The following ARHGAP26 variants were observed in gnomAD, a reference collection of about 807,000 sequenced individuals.
ARHGAP26 encodes the protein Rho GTPase activating protein 26, also known as rho GTPase-activating protein 26.
In ARHGAP26, 38 loss-of-function variants were observed where a neutral mutation model predicts 104.8. The observed-to-expected ratio is 0.36, with a 90% CI of 0.28 to 0.48. The LOEUF (loss-of-function observed/expected upper bound fraction) is 0.48, where lower values mean the gene tolerates loss of function less well. ARHGAP26 is among the 20% of genes least tolerant of loss of function. The pLI, the probability that ARHGAP26 is intolerant of heterozygous loss-of-function variation, is 0.99. For missense variants in ARHGAP26, 704 were observed against 947.9 expected, an observed-to-expected ratio of 0.74 and a Z score of 3.38; for synonymous variants, 341 against 340.0, an observed-to-expected ratio of 1.00 and a Z score of -0.03.
chr5:143,043,997 G>C (rs1783854484), intron 14 of ARHGAP26, among the ~76,000 whole-genome samples: 1 of 152,184 alleles, frequency 6.6e-6, no homozygotes. Context: ...ACTTGAGGCT[G>C]GGACAGGAGA....
intron 1 of ARHGAP26, among the ~76,000 whole-genome samples, chr5:142,800,135 T>C (rs1267794430): frequency 4.6e-5 from 7 of 152,178 alleles, no homozygotes; most frequent in Admixed American, 4.6e-4. Flanking sequence ...GCGTAATAAG[T>C]AACTATAAAA....
intron 11 of ARHGAP26, among the ~76,000 whole-genome samples, chr5:142,997,747 T>C (rs979699702): frequency 1.3e-5 from 2 of 151,354 alleles, no homozygotes; most frequent in African/African-American, 2.4e-5. Context: ...CTCCATTTAG[T>C]GCTACTTTTT....
chr5:143,195,140 T>C (rs1806620647), intron 20 of ARHGAP26, among the ~76,000 whole-genome samples: 1 of 152,206 alleles, frequency 6.6e-6, no homozygotes, highest in Non-Finnish European at 1.5e-5. Context: ...CATCTCTCTT[T>C]CTCTCTCTGT....
At chr5:142,991,951 G>A (rs1775683578) in intron 11 of ARHGAP26, among the ~76,000 whole-genome samples, 1 of 152,134 alleles carries the variant, frequency 6.6e-6, no homozygotes, top group Admixed American at 6.5e-5. Flanking sequence ...TTGCATATGG[G>A]AATATCCATT....
At chr5:143,113,961 C>G (rs73796803) in intron 17 of ARHGAP26, among the ~76,000 whole-genome samples, 14,165 of 152,164 alleles carry the variant, frequency 0.093, 1,020 homozygotes, top group East Asian at 0.2. Flanking sequence ...CTTCATTCCC[C>G]TCCTGACTTT....
rs551053333 is a variant in ARHGAP26, at chr5:142,848,605, G to A, written c.155-24795G>A. On this transcript the variant is annotated intron_variant, in intron 1 of 22. Transcript: ENST00000645722. ...TGAACATCATAGTTGTGTAGGTGGCGTGGAAGCTGCCGAGGTGAGCACAGT... is the reference window on the plus strand; with the variant it reads ...TGAACATCATAGTTGTGTAGGTGGCATGGAAGCTGCCGAGGTGAGCACAGT... Among the ~76,000 whole-genome samples, 364 of 152,314 alleles carry A rather than the reference G, an allele frequency of 2.4e-3. 2 individuals carry two copies. Among genetic ancestry groups the A allele is most frequent in the African/African-American group, 8.1e-3 (336 of 41,568 alleles).
At chr5:143,003,749 C>T (rs1294364359) in intron 11 of ARHGAP26, among the ~76,000 whole-genome samples, 1 of 152,114 alleles carries the variant, frequency 6.6e-6, no homozygotes, top group Non-Finnish European at 1.5e-5. Context: ...CCTGTGATAA[C>T]TATTTTAAAT....
At chr5:142,903,369 T>C (rs1194305077) in intron 7 of ARHGAP26, among the ~76,000 whole-genome samples, 171 bp from the exon 8 acceptor site, 1 of 152,186 alleles carries the variant, frequency 6.6e-6, no homozygotes, top group Non-Finnish European at 1.5e-5. Flanking sequence ...GTCATTCTGG[T>C]ATAGGACTTT....
At chr5:143,045,081 A>C (rs994125935) in intron 14 of ARHGAP26, among the ~76,000 whole-genome samples, 4 of 152,252 alleles carry the variant, frequency 2.6e-5, no homozygotes, top group Non-Finnish European at 4.4e-5. Flanking sequence ...TGTGTTAAGC[A>C]AAAGAGTGGT....
At chr5:143,207,174 T>G (rs760233376) in intron 20 of ARHGAP26, 24 bp from the exon 21 acceptor site, 4 of 1,607,198 alleles carry the variant, frequency 2.5e-6, no homozygotes, top group Admixed American at 1.7e-5. Context: ...TGCTGACAAG[T>G]TTTCTGGTTG....
intron 17 of ARHGAP26, among the ~76,000 whole-genome samples, chr5:143,079,551 C>T (rs190987748): frequency 1.3e-5 from 2 of 152,282 alleles, no homozygotes; most frequent in East Asian, 1.9e-4. Context: ...GTGCCAGACA[C>T]GGGACAACCA....
At position 143,227,737 on chromosome 5, in the gene ARHGAP26, A is replaced by G. The variant is rs1181041154; in HGVS notation, c.*5291A>G. ...GTCTTCCAGTGGAAGCACCTGTATT[A>G]TTGAGAGGAAAAAGTGTTGGATGCA... On this transcript the variant is annotated 3_prime_UTR_variant, in exon 23 of 23. Transcript: ENST00000645722. 4.4e-6 allele frequency: 1 copy of G among 226,564 alleles called. No individual in the cohort carries two copies. Among genetic ancestry groups the G allele is most frequent in the Non-Finnish European group, 8.8e-6 (1 of 113,996 alleles). The allele number at this position is 226,564 out of a possible 1,614,324, so 14.0% of individuals were successfully genotyped here.
chr5:142,948,513 T>G (rs1245946831), intron 11 of ARHGAP26, among the ~76,000 whole-genome samples: 1 of 151,954 alleles, frequency 6.6e-6, no homozygotes, highest in Non-Finnish European at 1.5e-5. Context: ...TTCCTGGTGG[T>G]TGTGTTGCCA....
chr5:142,783,659 C>T (rs1183268020), intron 1 of ARHGAP26, among the ~76,000 whole-genome samples: 4 of 152,162 alleles, frequency 2.6e-5, no homozygotes, highest in Non-Finnish European at 4.4e-5. Flanking sequence ...CCCTGGGCAA[C>T]TCATTTCTGG....
intron 1 of ARHGAP26, 57 bp from the exon 2 acceptor site, chr5:142,873,335 GCAGCAAAT>G: frequency 8.1e-7 from 1 of 1,228,150 alleles, no homozygotes; most frequent in Non-Finnish European, 1.2e-6. Flanking sequence ...ACCAATAAGG[GCAGCAAAT>G]CAGAAAGCCA....
intron 1 of ARHGAP26, among the ~76,000 whole-genome samples, chr5:142,791,081 A>G (rs1379775481): frequency 2.3e-5 from 3 of 132,550 alleles, no homozygotes; most frequent in Non-Finnish European, 4.5e-5. Flanking sequence ...TTTGCTTTAA[A>G]GTTTTTTTTT....
rs148277580 is a variant in ARHGAP26 at position 143,121,099 on chromosome 5, C to T, written c.1650C>T (p.Ile550=). 2.0e-4 allele frequency: 319 copies of T among 1,613,376 alleles called. No homozygotes were observed. The highest frequency in any genetic ancestry group is 9.0e-4 in the Admixed American group (54 of 59,990). ...QEETVAAIMD[I]KFQNIVIEIL... ...AAACAGTAGCAGCCATCATGGACAT[C>T]AAATTTCAGAACATTGTCATTGAGA... The change falls in exon 18 of 23, where the codon ATC becomes ATT. Residue 550 remains isoleucine (I), a synonymous_variant. Transcript: ENST00000645722.
At chr5:142,960,585 T>C (rs1164486045) in intron 11 of ARHGAP26, among the ~76,000 whole-genome samples, 1 of 152,256 alleles carries the variant, frequency 6.6e-6, no homozygotes. Flanking sequence ...TTCAGGCATC[T>C]ACTGGCGTCT....
At chr5:143,206,953 A>T (rs559708512) in intron 20 of ARHGAP26, among the ~76,000 whole-genome samples, 1 of 152,278 alleles carries the variant, frequency 6.6e-6, no homozygotes, top group African/African-American at 2.4e-5. Flanking sequence ...AGCTTCTATC[A>T]CCTGAAAAGC....
Sources: allele counts gnomAD v4.1 joint callset (sites outside exome capture counted in the v4.1 genomes callset), GRCh38; gene constraint gnomAD v4.1.1; transcripts MANE v1.5; gene names NCBI Gene and HGNC (gene_info 2026-07-23, HGNC 2026-07-21).